The following ERBB4 variants were observed in gnomAD, a reference collection of about 807,000 sequenced individuals.
The protein encoded by ERBB4 is receptor tyrosine-protein kinase erbB-4.
Under a neutral mutation model 158.0 loss-of-function variants are expected in ERBB4, and 42 were observed. The observed-to-expected ratio is 0.27, with a 90% confidence interval of 0.21 to 0.34. The LOEUF (loss-of-function observed/expected upper bound fraction) is 0.34. Ranked by LOEUF, ERBB4 falls within the 10% of genes least tolerant of loss-of-function variation. The pLI, the probability that ERBB4 is intolerant of heterozygous loss-of-function variation, is 1.00. For missense variants in ERBB4, 1,333 were observed against 1,624.1 expected (o/e 0.82, Z 3.08); for synonymous variants, 583 against 558.7 (o/e 1.04, Z -0.61).
rs544393419 is a variant in ERBB4, at chr2:211,483,235, G to A, written c.2488-52135C>T. On this transcript the variant is annotated intron_variant, in intron 20 of 27. Coordinates refer to ENST00000342788, the MANE Select transcript of ERBB4 (RefSeq NM_005235.3). Reference sequence around the variant, plus strand: ...GGACAAATTAAGTAACCAAATATGCGTACAATTATAGTCACTAAATGAGAG... The same window carrying A: ...GGACAAATTAAGTAACCAAATATGCATACAATTATAGTCACTAAATGAGAG... 2.2e-4 allele frequency among the ~76,000 whole-genome samples: 33 copies of A among 151,594 alleles called. 1 individual carries two copies. Among genetic ancestry groups the A allele is most frequent in the African/African-American group, 7.3e-4 (30 of 41,330 alleles).
intron 1 of ERBB4, among the ~76,000 whole-genome samples, chr2:212,262,134 A>G (rs917806294): frequency 5.9e-5 from 9 of 152,110 alleles, no homozygotes; most frequent in South Asian, 2.1e-4. Flanking sequence ...CATGATGAAG[A>G]TTTTGCAAAA....
Position 211,383,527 on chromosome 2 carries a change from G to A in ERBB4, c.*88C>T. ...GGGAAGTGTCAAAACTACTGGCCTT[G>A]GGGTAGAAGGAAGACCACCAGAGAA... On this transcript the variant is annotated 3_prime_UTR_variant, in exon 28 of 28. Transcript: ENST00000342788. The A allele has an allele frequency of 9.3e-7, 1 of 1,079,594 alleles. No individual in the cohort carries two copies. The highest frequency in any genetic ancestry group is 1.4e-6 in the Non-Finnish European group (1 of 701,378). The allele number at this position is 1,079,594 out of a possible 1,614,324, so 66.9% of individuals were successfully genotyped here.
At chr2:211,391,668 C>T (rs182431558) in intron 25 of ERBB4, among the ~76,000 whole-genome samples, 21 of 152,196 alleles carry the variant, frequency 1.4e-4, no homozygotes, top group Non-Finnish European at 2.6e-4. Context: ...GAATCAAATA[C>T]GGTATTAAAT....
chr2:211,854,509 A>T (rs1349478887), intron 3 of ERBB4, among the ~76,000 whole-genome samples: 1 of 152,180 alleles, frequency 6.6e-6, no homozygotes, highest in Non-Finnish European at 1.5e-5. Context: ...TTCAACAGGC[A>T]ATGCCATCAT....
chr2:211,772,976 G>T (rs1170160561), intron 4 of ERBB4, among the ~76,000 whole-genome samples: 1 of 129,234 alleles, frequency 7.7e-6, no homozygotes, highest in East Asian at 2.3e-4. Flanking sequence ...TAAAGATGGG[G>T]TCCTACTCTG....
chr2:211,839,038 C>G (rs2077404280), intron 3 of ERBB4, among the ~76,000 whole-genome samples: 1 of 151,922 alleles, frequency 6.6e-6, no homozygotes, highest in Admixed American at 6.6e-5. Flanking sequence ...CAACAATGGA[C>G]CACCTCTTTG....
At chr2:211,772,924 C>CACATAT (rs1181682464) in intron 4 of ERBB4, among the ~76,000 whole-genome samples, 6 of 36,726 alleles carry the variant, frequency 1.6e-4, no homozygotes, top group East Asian at 2.7e-3. Flanking sequence ...CACACACACA[C>CACATAT]ATATATATAT....
At chr2:212,336,154 C>CCATAG (rs2088433913) in intron 1 of ERBB4, among the ~76,000 whole-genome samples, 1 of 151,898 alleles carries the variant, frequency 6.6e-6, no homozygotes, top group Non-Finnish European at 1.5e-5. Flanking sequence ...TCGTGTTTTA[C>CCATAG]CATACTTCAA....
rs569485788 is a variant in ERBB4, at chr2:211,603,962, T to A, written c.2301+15215A>T. ...GAATTGTTCAAGTGGGCATATTTAA[T>A]TTACTTTCTTTTGATTGAACTATTA... On this transcript the variant is annotated intron_variant, in intron 19 of 27. Transcript: ENST00000342788. 2.6e-5 allele frequency among the ~76,000 whole-genome samples: 4 copies of A among 152,362 alleles called. No homozygotes were observed. The East Asian group carries it at 7.7e-4, about 29-fold the overall frequency.
At position 211,607,337 on chromosome 2, in the gene ERBB4, C is replaced by T. The variant is rs1277987894; in HGVS notation, c.2301+11840G>A. On this transcript the variant is annotated intron_variant, in intron 19 of 27. Transcript: ENST00000342788. ...GGTCCAATATTAGCTGACCAGTATC[C>T]GTCAAACTCCTCAGTTCAATGAGCT... Among the ~76,000 whole-genome samples the T allele has an allele frequency of 2.6e-5, 4 of 152,216 alleles. No individual in the cohort carries two copies. In the East Asian group the frequency reaches 7.7e-4, roughly 29 times the overall value.
At position 212,538,583 on chromosome 2, in the gene ERBB4, C is replaced by G. The variant is rs1303963435; in HGVS notation, c.-53G>C. 1.3e-6 allele frequency: 2 copies of G among 1,549,206 alleles called. No homozygotes were observed. Among genetic ancestry groups the G allele is most frequent in the East Asian group, 4.5e-5 (2 of 44,524 alleles). On this transcript the variant is annotated 5_prime_UTR_variant, in exon 1 of 28. Transcript: ENST00000342788. ...ACAATTACATGTCCAAATGGCATAT[C>G]CCCCTTTCGGGCACGCGGAGGAGAT...
At chr2:211,951,533 C>T (rs1180131374) in intron 2 of ERBB4, among the ~76,000 whole-genome samples, 5 of 152,014 alleles carry the variant, frequency 3.3e-5, no homozygotes, top group African/African-American at 1.2e-4. Flanking sequence ...TTTGTATTTG[C>T]ATATTACTAA....
intron 1 of ERBB4, among the ~76,000 whole-genome samples, chr2:212,172,615 G>T (rs981331078): frequency 7.2e-5 from 11 of 151,870 alleles, no homozygotes; most frequent in Non-Finnish European, 1.3e-4. Context: ...AAAGGAAGGA[G>T]ACCATATTTT....
At chr2:212,158,951 A>G (rs756613023) in intron 1 of ERBB4, among the ~76,000 whole-genome samples, 12 of 152,046 alleles carry the variant, frequency 7.9e-5, no homozygotes, top group Non-Finnish European at 1.6e-4. Flanking sequence ...GATCAGGACT[A>G]TATCACTATT....
intron 1 of ERBB4, among the ~76,000 whole-genome samples, chr2:212,508,035 G>C (rs1332479020): frequency 1.3e-5 from 2 of 152,124 alleles, no homozygotes; most frequent in Non-Finnish European, 2.9e-5. Context: ...CCACCACCCT[G>C]ATTGGTCAGC....
intron 3 of ERBB4, among the ~76,000 whole-genome samples, chr2:211,798,777 A>G (rs781078455): frequency 2.6e-5 from 4 of 152,262 alleles, no homozygotes; most frequent in Middle Eastern, 3.4e-3. Flanking sequence ...ATTGAGCTAA[A>G]ATATTATTAA....
At chr2:211,712,872 C>A (rs2073755948) in intron 8 of ERBB4, among the ~76,000 whole-genome samples, 1 of 151,830 alleles carries the variant, frequency 6.6e-6, no homozygotes, top group African/African-American at 2.4e-5. Flanking sequence ...TGGAGTTTGT[C>A]CTTTTCTAGG....
chr2:212,115,718 G>A (rs377549851), intron 2 of ERBB4, among the ~76,000 whole-genome samples: 4 of 151,876 alleles, frequency 2.6e-5, no homozygotes, highest in South Asian at 4.2e-4. Context: ...CATGTTCCTC[G>A]GGCTAGTCTC....
At chr2:211,421,139 C>G (rs1429538027) in intron 24 of ERBB4, among the ~76,000 whole-genome samples, 1 of 151,842 alleles carries the variant, frequency 6.6e-6, no homozygotes, top group Non-Finnish European at 1.5e-5. Context: ...GACACCAAAA[C>G]CTTTGTTATG....
Sources: gnomAD v4.1 joint callset for allele counts (sites outside exome capture counted in the v4.1 genomes callset) on GRCh38, gnomAD v4.1.1 for gene constraint, MANE v1.5 for transcripts, NCBI Gene and HGNC (gene_info 2026-07-23, HGNC 2026-07-21) for gene names.